Variants in WDR72 observed in about 807,000 individuals in gnomAD.
WDR72 encodes the protein WD repeat-containing protein 72.
A neutral mutation model predicts 124.2 loss-of-function variants in WDR72; 120 were observed. That is an observed-to-expected ratio of 0.97 (90% CI 0.83 to 1.12). The LOEUF (loss-of-function observed/expected upper bound fraction) is 1.12, where lower values mean the gene tolerates loss of function less well. Among genes scored for constraint, WDR72 ranks in the 50% most tolerant of loss-of-function variants. The probability of loss-of-function intolerance (pLI) is 0.00; values close to 1 mark genes in which losing one functional copy is unlikely to be tolerated. For synonymous variants in WDR72, 452 were observed against 441.7 expected, an observed-to-expected ratio of 1.02 and a Z score of -0.29; for missense variants, 1,387 against 1,278.8, an observed-to-expected ratio of 1.08 and a Z score of -1.29.
At chr15:53,627,912 C>T (rs2014274866) in intron 14 of WDR72, among the ~76,000 whole-genome samples, 1 of 152,018 alleles carries the variant, frequency 6.6e-6, no homozygotes, top group East Asian at 1.9e-4. Context: ...TTAAAATCTC[C>T]TTAATAGTTC....
intron 16 of WDR72, among the ~76,000 whole-genome samples, chr15:53,609,894 A>G (rs1443878844): frequency 1.3e-5 from 2 of 152,058 alleles, no homozygotes; most frequent in African/African-American, 4.8e-5. Context: ...TAACAATTAT[A>G]CTAACACATA....
At position 53,514,154 on chromosome 15, in the gene WDR72, A is replaced by G. The variant is rs1891316287; in HGVS notation, c.*3545T>C. The G allele has an allele frequency of 1.3e-5, 2 of 152,230 alleles. No individual in the cohort carries two copies. Among genetic ancestry groups the G allele is most frequent in the African/African-American group, 4.8e-5 (2 of 41,460 alleles). The allele number at this position is 152,230 out of a possible 1,614,324, so 9.4% of individuals were successfully genotyped here. On this transcript the variant is annotated 3_prime_UTR_variant, in exon 20 of 20. Transcript: ENST00000360509. ...ATTTTTTAAAATTACAAAAAACACT[A>G]AGTATTATGCAAATGTTTACAAAGC...
intron 18 of WDR72, among the ~76,000 whole-genome samples, chr15:53,578,819 T>C (rs980915500): frequency 2.0e-5 from 3 of 152,156 alleles, no homozygotes; most frequent in Non-Finnish European, 2.9e-5. Context: ...ACTACCTGGA[T>C]TCCCTTGGTA....
intron 14 of WDR72, among the ~76,000 whole-genome samples, chr15:53,638,453 T>C (rs1314368378): frequency 6.6e-6 from 1 of 152,208 alleles, no homozygotes; most frequent in Non-Finnish European, 1.5e-5. Context: ...CATGGCAACA[T>C]GCCAAAGGCT....
intron 19 of WDR72, among the ~76,000 whole-genome samples, chr15:53,522,617 T>C (rs1891864312): frequency 6.6e-6 from 1 of 152,112 alleles, no homozygotes; most frequent in African/African-American, 2.4e-5. Context: ...TGTATCCTTC[T>C]AGTACATTTC....
At chr15:53,531,282 A>C (rs1892450503) in intron 18 of WDR72, among the ~76,000 whole-genome samples, 1 of 149,568 alleles carries the variant, frequency 6.7e-6, no homozygotes, top group Admixed American at 6.7e-5. Flanking sequence ...AGTATTTTAC[A>C]ACTATATGAT....
chr15:53,579,197 G>A (rs1487106372), intron 18 of WDR72, among the ~76,000 whole-genome samples: 1 of 152,076 alleles, frequency 6.6e-6, no homozygotes, highest in Non-Finnish European at 1.5e-5. Context: ...ACCCCTGACA[G>A]GCACTGCATC....
intron 2 of WDR72, among the ~76,000 whole-genome samples, chr15:53,723,290 C>T (rs1270220090): frequency 6.6e-6 from 1 of 152,136 alleles, no homozygotes; most frequent in East Asian, 1.9e-4. Context: ...CAAAATAATA[C>T]AAGAGAAAAT....
chr15:53,620,261 A>G (rs1407017258), intron 14 of WDR72, among the ~76,000 whole-genome samples: 1 of 152,062 alleles, frequency 6.6e-6, no homozygotes, highest in Non-Finnish European at 1.5e-5. Flanking sequence ...GCATATATAT[A>G]TGCAAAATAC....
chr15:53,734,220 T>C (rs1452332931), intron 1 of WDR72, among the ~76,000 whole-genome samples: 1 of 152,218 alleles, frequency 6.6e-6, no homozygotes, highest in Non-Finnish European at 1.5e-5. Flanking sequence ...CAAATTTTCC[T>C]TGTAGTTCCA....
At chr15:53,673,367 G>C (rs894961851) in intron 13 of WDR72, among the ~76,000 whole-genome samples, 19 of 152,120 alleles carry the variant, frequency 1.2e-4, no homozygotes, top group Non-Finnish European at 2.4e-4. Context: ...ATCTGCAAAT[G>C]ATCAAGAGGA....
In WDR72 at chr15:53,564,775, G is replaced by C. The variant is rs140657010; in HGVS notation, c.3148+32304C>G. Among the ~76,000 whole-genome samples the C allele has an allele frequency of 9.3e-4, 142 of 151,910 alleles. 2 individuals are homozygous for C. The highest frequency in any genetic ancestry group is 3.3e-3 in the African/African-American group (136 of 41,494). ...AAAATCCTTCCTTTCCAGTCACGTG[G>C]GTAAGCATAAAATGATGAAGGTGCT... is the stretch of plus-strand genomic sequence containing the variant. On this transcript the variant is annotated intron_variant, in intron 18 of 19. Coordinates refer to ENST00000360509, the MANE Select transcript of WDR72 (RefSeq NM_182758.4).
intron 18 of WDR72, among the ~76,000 whole-genome samples, chr15:53,541,576 C>G (rs879179175): frequency 6.6e-6 from 1 of 151,316 alleles, no homozygotes; most frequent in South Asian, 2.1e-4. Context: ...TACTCTAAAA[C>G]GCAGAGCGCC....
At chr15:53,669,035 G>A (rs1567016283) in intron 13 of WDR72, among the ~76,000 whole-genome samples, 1 of 142,274 alleles carries the variant, frequency 7.0e-6, no homozygotes, top group Admixed American at 7.2e-5. Flanking sequence ...AGGGAGGAAG[G>A]GAAAGAAGGG....
At chr15:53,740,307 A>ATT (rs57166942) in intron 1 of WDR72, among the ~76,000 whole-genome samples, 3 of 132,596 alleles carry the variant, frequency 2.3e-5, no homozygotes, top group Non-Finnish European at 4.8e-5. Context: ...GATTCAACTA[A>ATT]TTTTTTTTTT....
At chr15:53,617,603 A>T (rs986563959) in intron 14 of WDR72, among the ~76,000 whole-genome samples, 2 of 151,864 alleles carry the variant, frequency 1.3e-5, no homozygotes, top group African/African-American at 4.8e-5. Flanking sequence ...TTTGCAAATC[A>T]ATAAGAAGAG....
At chr15:53,657,186 C>G (rs1414643832) in intron 14 of WDR72, among the ~76,000 whole-genome samples, 1 of 138,762 alleles carries the variant, frequency 7.2e-6, no homozygotes, top group African/African-American at 2.7e-5. Flanking sequence ...ATCACTTGAA[C>G]CTGGGAGGCA....
intron 13 of WDR72, among the ~76,000 whole-genome samples, chr15:53,692,223 T>C (rs2016867308): frequency 6.6e-6 from 1 of 152,204 alleles, no homozygotes; most frequent in African/African-American, 2.4e-5. Flanking sequence ...TTTTTTCAAA[T>C]TGTTTCAAAG....
At chr15:53,638,831 C>G (rs113365018) in intron 14 of WDR72, among the ~76,000 whole-genome samples, 1 of 151,684 alleles carries the variant, frequency 6.6e-6, no homozygotes, top group African/African-American at 2.4e-5. Flanking sequence ...GGCAAAACCC[C>G]GTCTCTACTA....
Sources: gnomAD v4.1 joint callset for allele counts (sites outside exome capture counted in the v4.1 genomes callset) on GRCh38, gnomAD v4.1.1 for gene constraint, MANE v1.5 for transcripts, NCBI Gene and HGNC (gene_info 2026-07-23, HGNC 2026-07-21) for gene names.